BICD1: variants seen among roughly 807,000 people sequenced by gnomAD.
The protein encoded by BICD1 is BICD cargo adaptor 1, also known as protein bicaudal D homolog 1.
BICD1 carries 35 observed loss-of-function variants against 92.5 expected under a neutral mutation model. The ratio of observed to expected loss-of-function variants is 0.38; its 90% CI spans 0.29 to 0.50. BICD1 has a LOEUF of 0.50. Ranked by LOEUF, BICD1 falls within the 20% of genes least tolerant of loss-of-function variation. The pLI is 0.93. For missense variants in BICD1, 950 were observed against 1,189.8 expected (o/e 0.80, Z 2.97); for synonymous variants, 429 against 465.1 (o/e 0.92, Z 1.00).
chr12:32,281,234 T>G (rs1364119216), intron 2 of BICD1, among the ~76,000 whole-genome samples: 3 of 152,216 alleles, frequency 2.0e-5, no homozygotes, highest in Non-Finnish European at 4.4e-5. Context: ...CATGTTTGTT[T>G]TAAGCCACAA....
chr12:32,119,431 G>A (rs1010902546), intron 1 of BICD1, among the ~76,000 whole-genome samples: 12 of 152,152 alleles, frequency 7.9e-5, no homozygotes, highest in East Asian at 1.9e-4. Flanking sequence ...ACCCCACTCC[G>A]GGAGAGTTAA....
chr12:32,168,490 G>T (rs1009439349), intron 1 of BICD1, among the ~76,000 whole-genome samples: 10 of 152,088 alleles, frequency 6.6e-5, no homozygotes, highest in Non-Finnish European at 1.5e-4. Flanking sequence ...GTGGGGTTGG[G>T]TGTCCTTGAG....
intron 9 of BICD1, among the ~76,000 whole-genome samples, chr12:32,374,910 C>CT (rs1185628924): frequency 0.031 from 1,516 of 49,490 alleles, 391 homozygotes; most frequent in Non-Finnish European, 0.041. Flanking sequence ...ATTTATTTTC[C>CT]TTTTTTTTTT....
At position 32,337,348 on chromosome 12, in the gene BICD1, G is replaced by C; in HGVS notation, c.2253-151G>C. The C allele has an allele frequency of 3.2e-6, 2 of 631,022 alleles. No homozygotes were observed. Among genetic ancestry groups the C allele is most frequent in the Non-Finnish European group, 5.5e-6 (2 of 364,704 alleles). 39.1% of individuals were successfully genotyped at this position (631,022 alleles called of 1,614,324 possible). A position where few individuals can be genotyped will look rare whatever the true frequency, so the allele number is the denominator to read the frequency against. ...GGATGAACATATATTCCAGTTTTCT[G>C]CTATTGTGGGTTATCTACATTCTAT... On this transcript the variant is annotated intron_variant, in intron 6 of 9. Transcript: ENST00000652176. The surrounding 1 kb of genome is among the most constrained non-coding windows in gnomAD (Gnocchi z 4.7).
intron 2 of BICD1, among the ~76,000 whole-genome samples, chr12:32,273,181 G>A (rs937235964): frequency 6.6e-5 from 10 of 152,144 alleles, no homozygotes; most frequent in African/African-American, 1.9e-4. Context: ...AGGGAGGCAG[G>A]ACCTTGTCTT....
At chr12:32,316,752 C>T (rs1948514537) in intron 4 of BICD1, among the ~76,000 whole-genome samples, 1 of 151,600 alleles carries the variant, frequency 6.6e-6, no homozygotes, top group African/African-American at 2.4e-5. Context: ...ATATGCACAA[C>T]GTGCAGGTTT....
At chr12:32,288,863 C>CA (rs1049465829) in intron 2 of BICD1, among the ~76,000 whole-genome samples, 4,095 of 132,666 alleles carry the variant, frequency 0.031, 132 homozygotes, top group African/African-American at 0.091. Context: ...AAGACTCTTT[C>CA]AAAAAAAAAA....
intron 1 of BICD1, among the ~76,000 whole-genome samples, chr12:32,154,294 A>G (rs1056930170): frequency 6.6e-6 from 1 of 152,176 alleles, no homozygotes; most frequent in African/African-American, 2.4e-5. Context: ...ATCTTGAAAA[A>G]TAAAAGGCGA....
At chr12:32,334,461 G>A in intron 5 of BICD1, 55 bp from the exon 6 acceptor site, 2 of 1,536,992 alleles carry the variant, frequency 1.3e-6, no homozygotes, top group Non-Finnish European at 8.8e-7. Context: ...GAAGCAATCT[G>A]TATGATGGAT....
rs147724486 is a variant in BICD1 at position 32,140,217 on chromosome 12, C to G, written c.213+32673C>G. 8.6e-3 allele frequency among the ~76,000 whole-genome samples: 1,308 copies of G among 152,180 alleles called. 21 individuals are homozygous for G. Among genetic ancestry groups the G allele is most frequent in the African/African-American group, 0.029 (1,220 of 41,516 alleles). The stretch of plus-strand genomic sequence containing the variant: ...TCCTCTGGGCTTCTTCCAAGAAGCA[C>G]CACATTTCCCTGAAAATAAATGGCA... On this transcript the variant is annotated intron_variant, in intron 1 of 9. Transcript: ENST00000652176.
chr12:32,113,540 C>T (rs535069478), intron 1 of BICD1, among the ~76,000 whole-genome samples: 2 of 152,028 alleles, frequency 1.3e-5, no homozygotes, highest in South Asian at 2.1e-4. Flanking sequence ...CCCATGCCAC[C>T]ATGCCTGGCT....
chr12:32,173,575 T>A, intron 1 of BICD1, among the ~76,000 whole-genome samples: 1 of 152,184 alleles, frequency 6.6e-6, no homozygotes, highest in East Asian at 1.9e-4. Flanking sequence ...GAAAAAATAA[T>A]GGCTAGAGTC....
chr12:32,368,599 G>T (rs1939617474), intron 9 of BICD1, among the ~76,000 whole-genome samples: 1 of 152,162 alleles, frequency 6.6e-6, no homozygotes, highest in South Asian at 2.1e-4. Context: ...GGAGGCTGAG[G>T]CAGGAGAATC....
intron 2 of BICD1, among the ~76,000 whole-genome samples, chr12:32,245,809 T>C (rs1013315697): frequency 7.3e-5 from 11 of 150,864 alleles, no homozygotes; most frequent in African/African-American, 2.7e-4. Context: ...GTGGGCGGAT[T>C]GTCTGAGGTC....
chr12:32,377,113 T>C (rs7314141), intron 9 of BICD1, among the ~76,000 whole-genome samples: 51,446 of 151,960 alleles, frequency 0.34, 8,903 homozygotes, highest in East Asian at 0.42. Flanking sequence ...CCACACCTAA[T>C]GAATCCGAAT....
At chr12:32,249,181 G>A (rs1399382058) in intron 2 of BICD1, among the ~76,000 whole-genome samples, 1 of 152,074 alleles carries the variant, frequency 6.6e-6, no homozygotes, top group Non-Finnish European at 1.5e-5. Flanking sequence ...AGGTGGGTAG[G>A]GTAGAGTATA....
intron 1 of BICD1, among the ~76,000 whole-genome samples, chr12:32,137,798 A>G (rs573754253): frequency 8.4e-4 from 126 of 149,570 alleles, no homozygotes; most frequent in African/African-American, 3.0e-3. Flanking sequence ...GGCCAAATAT[A>G]AAAACTTTTT....
At chr12:32,123,246 TA>T (rs1942218224) in intron 1 of BICD1, among the ~76,000 whole-genome samples, 1 of 152,056 alleles carries the variant, frequency 6.6e-6, no homozygotes, top group African/African-American at 2.4e-5. Flanking sequence ...GGGACTGAGT[TA>T]GGGGGTGAAT....
chr12:32,135,322 A>G (rs1317162991), intron 1 of BICD1, among the ~76,000 whole-genome samples: 13 of 147,068 alleles, frequency 8.8e-5, no homozygotes, highest in Non-Finnish European at 1.5e-5. Flanking sequence ...TTGTGACCTC[A>G]GGTGATCCGC....
Sources: gnomAD v4.1 joint callset for allele counts (sites outside exome capture counted in the v4.1 genomes callset) on GRCh38, gnomAD v4.1.1 for gene constraint, Gnocchi (gnomAD v3.1) non-coding constraint, MANE v1.5 for transcripts, NCBI Gene and HGNC (gene_info 2026-07-23, HGNC 2026-07-21) for gene names.